Variants in KCNJ3 observed in about 807,000 individuals in gnomAD.
KCNJ3 encodes the protein potassium inwardly rectifying channel subfamily J member 3.
Under a neutral mutation model 39.2 loss-of-function variants are expected in KCNJ3, and 4 were observed. The ratio of observed to expected loss-of-function variants is 0.10; its 90% CI spans 0.05 to 0.23. The LOEUF (loss-of-function observed/expected upper bound fraction) is 0.23. Ranked by LOEUF, KCNJ3 falls within the 10% of genes least tolerant of loss-of-function variation. KCNJ3 has a pLI of 1.00. For synonymous variants in KCNJ3, 230 were observed against 237.4 expected (o/e 0.97, Z 0.29); for missense variants, 276 against 634.9 (o/e 0.43, Z 6.08).
chr2:154,831,160 A>G (rs922412257), intron 2 of KCNJ3, among the ~76,000 whole-genome samples: 1 of 152,168 alleles, frequency 6.6e-6, no homozygotes, highest in Non-Finnish European at 1.5e-5. Flanking sequence ...TGCAAAACAC[A>G]GTCTCATAAG....
intron 2 of KCNJ3, among the ~76,000 whole-genome samples, chr2:154,841,314 T>C (rs1229794702): frequency 2.0e-5 from 3 of 152,218 alleles, no homozygotes; most frequent in African/African-American, 7.2e-5. Flanking sequence ...CTTTTTGATG[T>C]GCTGCTGGAT....
intron 1 of KCNJ3, among the ~76,000 whole-genome samples, chr2:154,701,856 A>C (rs1374031298): frequency 6.6e-6 from 1 of 152,146 alleles, no homozygotes; most frequent in Non-Finnish European, 1.5e-5. Context: ...GTAGCTCTTC[A>C]ACTAGTCAGT....
intron 2 of KCNJ3, among the ~76,000 whole-genome samples, chr2:154,766,095 ATAATTAGTAGGTTGC>A (rs1686128552): frequency 6.6e-6 from 1 of 152,224 alleles, no homozygotes; most frequent in African/African-American, 2.4e-5. Context: ...AAGGACATAA[ATAATTAGTAGGTTGC>A]TTGAATTTAA....
At chr2:154,821,331 A>G (rs1422098474) in intron 2 of KCNJ3, among the ~76,000 whole-genome samples, 1 of 152,212 alleles carries the variant, frequency 6.6e-6, no homozygotes, top group African/African-American at 2.4e-5. Flanking sequence ...AGACATAGAC[A>G]CTATTTCTTG....
chr2:154,732,421 G>C (rs1210014277), intron 2 of KCNJ3, among the ~76,000 whole-genome samples: 1 of 152,036 alleles, frequency 6.6e-6, no homozygotes, highest in African/African-American at 2.4e-5. Context: ...GACAATTGCA[G>C]ACTTCAGTGG....
intron 2 of KCNJ3, among the ~76,000 whole-genome samples, chr2:154,808,808 A>G (rs1041316752): frequency 9.9e-5 from 15 of 152,174 alleles, no homozygotes; most frequent in Non-Finnish European, 2.1e-4. Context: ...TGCCTTTACT[A>G]AAGTGTATGG....
intron 1 of KCNJ3, among the ~76,000 whole-genome samples, chr2:154,706,542 T>C (rs1685013782): frequency 6.6e-6 from 1 of 152,138 alleles, no homozygotes. Flanking sequence ...TTATTTTTCT[T>C]TCACTTTCAT....
At chr2:154,747,316 A>G (rs1391530079) in intron 2 of KCNJ3, among the ~76,000 whole-genome samples, 1 of 152,072 alleles carries the variant, frequency 6.6e-6, no homozygotes. Flanking sequence ...AAAGTAGAAG[A>G]GTTGTAAGAG....
intron 2 of KCNJ3, among the ~76,000 whole-genome samples, chr2:154,762,859 G>T (rs144844051): frequency 6.6e-5 from 10 of 152,278 alleles, no homozygotes; most frequent in African/African-American, 2.4e-4. Flanking sequence ...TGGTTAGAGG[G>T]CTGGGAAGCT....
intron 2 of KCNJ3, among the ~76,000 whole-genome samples, chr2:154,734,766 TGAGA>T (rs996701760): frequency 2.6e-4 from 39 of 151,982 alleles, no homozygotes; most frequent in African/African-American, 8.7e-4. Context: ...AAAAAAACAT[TGAGA>T]GTGAGGTTTG....
intron 2 of KCNJ3, among the ~76,000 whole-genome samples, chr2:154,721,590 A>G (rs1685264306): frequency 6.6e-6 from 1 of 152,052 alleles, no homozygotes; most frequent in South Asian, 2.1e-4. Flanking sequence ...TTTGGAAAGG[A>G]TATTTCTTAC....
intron 2 of KCNJ3, among the ~76,000 whole-genome samples, chr2:154,761,673 A>G (rs1360352399): frequency 6.6e-6 from 1 of 152,114 alleles, no homozygotes; most frequent in Non-Finnish European, 1.5e-5. Context: ...TCCATTTTGT[A>G]CTTTAAAGGG....
rs564761997 is a variant in KCNJ3, at chr2:154,789,341, A to C, written c.920-65386A>C. Among the ~76,000 whole-genome samples, 5 of 152,168 alleles carry C rather than the reference A, an allele frequency of 3.3e-5. No individual in the cohort carries two copies. The East Asian group carries it at 9.7e-4, about 29-fold the overall frequency. ...GCTTTTATATGAGGAAAACACAAAG[A>C]ATATTTGTTTTATTTAGTAATCTAA... On this transcript the variant is annotated intron_variant, in intron 2 of 2. Coordinates refer to ENST00000295101, the MANE Select transcript of KCNJ3 (RefSeq NM_002239.4).
intron 2 of KCNJ3, among the ~76,000 whole-genome samples, chr2:154,840,659 G>T (rs913950968): frequency 2.0e-5 from 3 of 152,196 alleles, no homozygotes; most frequent in Admixed American, 6.5e-5. Context: ...CACATCCCTT[G>T]TAAGTTGGAT....
chr2:154,753,320 C>A (rs1685881632), intron 2 of KCNJ3, among the ~76,000 whole-genome samples: 2 of 152,224 alleles, frequency 1.3e-5, no homozygotes, highest in African/African-American at 2.4e-5. Flanking sequence ...CATTTAGAAG[C>A]AGCATGGCGT....
chr2:154,709,869 T>A (rs778001581), intron 2 of KCNJ3, 50 bp downstream of exon 2: 1 of 1,597,346 alleles, frequency 6.3e-7, no homozygotes, highest in South Asian at 1.1e-5. Flanking sequence ...ATAATGACAT[T>A]ATATGATATG....
intron 2 of KCNJ3, among the ~76,000 whole-genome samples, chr2:154,782,545 C>CAT (rs1333386914): frequency 2.0e-5 from 3 of 152,092 alleles, no homozygotes; most frequent in Non-Finnish European, 4.4e-5. Context: ...CACACATACA[C>CAT]GCAGGCTTTC....
intron 2 of KCNJ3, among the ~76,000 whole-genome samples, chr2:154,718,896 A>G (rs1197054858): frequency 6.6e-6 from 1 of 152,160 alleles, no homozygotes; most frequent in African/African-American, 2.4e-5. Flanking sequence ...ACTTATATGG[A>G]TAAAGGAAGT....
intron 2 of KCNJ3, among the ~76,000 whole-genome samples, chr2:154,730,167 C>A (rs7575684): frequency 0.054 from 8,236 of 151,996 alleles, 741 homozygotes; most frequent in African/African-American, 0.19. Flanking sequence ...AGAGACTTTG[C>A]CATTTTATTC....
Sources: allele counts gnomAD v4.1 joint callset (sites outside exome capture counted in the v4.1 genomes callset), GRCh38; gene constraint gnomAD v4.1.1; transcripts MANE v1.5; gene names NCBI Gene and HGNC (gene_info 2026-07-23, HGNC 2026-07-21).